The following ADGB variants were observed in gnomAD, a reference collection of about 807,000 sequenced individuals.
ADGB encodes the protein calpain-7-like protein.
In ADGB, 172 loss-of-function variants were observed where a neutral mutation model predicts 210.5. That is an observed-to-expected ratio of 0.82 (90% CI 0.72 to 0.93). The LOEUF is 0.93. Among genes scored for constraint, ADGB ranks in the 40% least tolerant of loss-of-function variants. The probability of loss-of-function intolerance (pLI) is 0.00; values close to 1 mark genes in which losing one functional copy is unlikely to be tolerated. For synonymous variants in ADGB, 658 were observed against 662.7 expected, an observed-to-expected ratio of 0.99 and a Z score of 0.11; for missense variants, 2,025 against 1,964.8, an observed-to-expected ratio of 1.03 and a Z score of -0.58.
rs532309210 is a variant in ADGB at position 146,701,925 on chromosome 6, T to C, written c.1707+855T>C. On this transcript the variant is annotated intron_variant, in intron 13 of 35. Coordinates refer to ENST00000397944, the MANE Select transcript of ADGB (RefSeq NM_024694.4). ...TCAAAGTAGTAATCAGCTTACATAT[T>C]CTTGTAAGATATTTGCAACAACTAT... Among the ~76,000 whole-genome samples, 4 of 152,092 alleles carry C rather than the reference T, an allele frequency of 2.6e-5. No homozygotes were observed. In the South Asian group the frequency reaches 6.2e-4, roughly 24 times the overall value.
rs71552951 is a variant in ADGB, at chr6:146,647,105, C to CAA, written c.330+2245_330+2246dup. Among the ~76,000 whole-genome samples the CAA allele has an allele frequency of 2.0e-4, 27 of 136,410 alleles. 1 individual carries two copies. The highest frequency in any genetic ancestry group is 3.0e-4 in the African/African-American group (11 of 36,336). The allele number at this position is 136,410 out of a possible 152,430, so 89.5% of individuals were successfully genotyped here. ...GCCTGTCTCAAAAAAAAACAAAAAA[C>CAA]AAAAAACAAAAAACAAACAAACAAA... On this transcript the variant is annotated intron_variant, in intron 3 of 35. Coordinates refer to ENST00000397944, the MANE Select transcript of ADGB (RefSeq NM_024694.4).
In ADGB at chr6:146,746,011, T is replaced by C. The variant is rs1267801376; in HGVS notation, c.3267T>C (p.Ala1089=). The change falls in exon 26 of 36, where the codon GCT becomes GCC. Residue 1089 remains alanine, a synonymous_variant. Transcript: ENST00000397944. ...AACTGCGTCTCATCGGTTCTTCTGC[T>C]CCACTGCCATGCCTCTCTCGAGACT... ...RWKLRLIGSS[A]PLPCLSRDSP... 9 of 1,551,386 alleles carry C rather than the reference T, an allele frequency of 5.8e-6. No individual in the cohort carries two copies. The highest frequency in any genetic ancestry group is 7.8e-6 in the Non-Finnish European group (9 of 1,146,796).
intron 33 of ADGB, among the ~76,000 whole-genome samples, chr6:146,792,126 G>A (rs1382981968): frequency 6.6e-6 from 1 of 151,936 alleles, no homozygotes; most frequent in Non-Finnish European, 1.5e-5. Flanking sequence ...GTTTTGATTA[G>A]TGTAGCTTTG....
chr6:146,715,548 G>A (rs1358992066), intron 14 of ADGB, 133 bp downstream of exon 14: 2 of 551,052 alleles, frequency 3.6e-6, no homozygotes, highest in Non-Finnish European at 6.3e-6. Flanking sequence ...GCTGAGTCTA[G>A]TCTGCTCTGG....
At chr6:146,605,481 C>T (rs954943682) in intron 1 of ADGB, among the ~76,000 whole-genome samples, 1 of 152,008 alleles carries the variant, frequency 6.6e-6, no homozygotes, top group Non-Finnish European at 1.5e-5. Flanking sequence ...CTGAATGCCT[C>T]GCCTTATTTA....
At chr6:146,802,460 T>C (rs1052046574) in intron 35 of ADGB, 40 of 211,490 alleles carry the variant, frequency 1.9e-4, no homozygotes, top group African/African-American at 9.1e-4. Flanking sequence ...TTTCACATAG[T>C]ATAAATTATA....
Position 146,746,091 on chromosome 6 carries a change from A to T in ADGB, c.3347A>T (p.Asp1116Val). The change falls in exon 26 of 36, where the codon GAT (aspartate) becomes GTT (valine). Residue 1116 changes from aspartate to valine, a missense_variant. Transcript: ENST00000397944. ...ATCCGAGATTACTACATACCCAATGATAAGAAAATTTTATTCAGGTACAAG... is the reference window on the plus strand; with the variant it reads ...ATCCGAGATTACTACATACCCAATGTTAAGAAAATTTTATTCAGGTACAAG... ...KEIRDYYIPN[D>V]KKILFRYSVK... 2 of 1,542,414 alleles carry T rather than the reference A, an allele frequency of 1.3e-6. No individual in the cohort carries two copies. Among genetic ancestry groups the T allele is most frequent in the Non-Finnish European group, 1.8e-6 (2 of 1,141,986 alleles).
chr6:146,600,957 CACACACACAA>C (rs1780548334), intron 1 of ADGB, among the ~76,000 whole-genome samples: 1 of 149,090 alleles, frequency 6.7e-6, no homozygotes. Context: ...CACACACACA[CACACACACAA>C]ATAACTAAGT....
chr6:146,696,030 T>C lies in ADGB; in HGVS notation c.1577+3115T>C, dbSNP rs148000267. Among the ~76,000 whole-genome samples, 62 of 152,268 alleles carry C rather than the reference T, an allele frequency of 4.1e-4. No homozygotes were observed. The East Asian group carries it at 7.3e-3, about 18-fold the overall frequency. ...ACTAAAATTTGTGTCATTGCAGTGA[T>C]TATACAAAAGCAATATTTCTTAAGT... On this transcript the variant is annotated intron_variant, in intron 12 of 35. Transcript: ENST00000397944.
intron 3 of ADGB, 37 bp downstream of exon 3, chr6:146,644,902 A>C: frequency 2.5e-6 from 3 of 1,217,314 alleles, no homozygotes; most frequent in Non-Finnish European, 2.3e-6. Flanking sequence ...AATACTTACT[A>C]TGTGGATGTA....
intron 27 of ADGB, among the ~76,000 whole-genome samples, chr6:146,758,865 T>TC (rs1209154552): frequency 1.3e-5 from 2 of 152,064 alleles, no homozygotes; most frequent in African/African-American, 4.8e-5. Flanking sequence ...CTTTTATTTT[T>TC]CACAGAAAAG....
intron 3 of ADGB, among the ~76,000 whole-genome samples, chr6:146,653,557 A>G (rs1412064137): frequency 2.0e-5 from 3 of 152,180 alleles, no homozygotes; most frequent in African/African-American, 7.2e-5. Flanking sequence ...ATCGACACAT[A>G]GAAGGGAACA....
rs151201168 is a variant in ADGB, at chr6:146,680,198, C to T, written c.1216+3757C>T. ...CTAGCCCACAGGATGTGAAGCAAAG[C>T]GATACATACCAGCTGTAGACTGACC... On this transcript the variant is annotated intron_variant, in intron 9 of 35. Coordinates refer to ENST00000397944, the MANE Select transcript of ADGB (RefSeq NM_024694.4). Among the ~76,000 whole-genome samples, 778 of 152,176 alleles carry T rather than the reference C, an allele frequency of 5.1e-3. 4 individuals are homozygous for T. The highest frequency in any genetic ancestry group is 8.1e-3 in the South Asian group (39 of 4,824).
intron 12 of ADGB, among the ~76,000 whole-genome samples, chr6:146,699,128 A>G (rs545670625): frequency 6.6e-6 from 1 of 152,262 alleles, no homozygotes; most frequent in African/African-American, 2.4e-5. Flanking sequence ...AGACATCGAC[A>G]TAGATATAGA....
chr6:146,752,391 A>C, intron 26 of ADGB, 139 bp from the exon 27 acceptor site: 1 of 704,208 alleles, frequency 1.4e-6, no homozygotes. Flanking sequence ...ATTACCTCTC[A>C]CCAGGCCCCA....
At chr6:146,748,434 C>T (rs1015429372) in intron 26 of ADGB, among the ~76,000 whole-genome samples, 7 of 152,246 alleles carry the variant, frequency 4.6e-5, no homozygotes, top group African/African-American at 1.7e-4. Context: ...GGGTTGGTTC[C>T]AACTGAGGCT....
At chr6:146,645,993 T>C (rs1775604060) in intron 3 of ADGB, among the ~76,000 whole-genome samples, 2 of 152,138 alleles carry the variant, frequency 1.3e-5, no homozygotes, top group African/African-American at 4.8e-5. Context: ...TTAATATTAA[T>C]GTGTTACTAA....
At chr6:146,801,411 C>T in intron 34 of ADGB, 132 bp downstream of exon 34, 1 of 469,636 alleles carries the variant, frequency 2.1e-6, no homozygotes, top group South Asian at 6.5e-5. Flanking sequence ...CAAAAAATTT[C>T]TATCACACCT....
intron 12 of ADGB, among the ~76,000 whole-genome samples, chr6:146,693,582 G>A (rs1776361860): frequency 6.6e-6 from 1 of 152,144 alleles, no homozygotes; most frequent in Admixed American, 6.6e-5. Context: ...AGAGAAGTAG[G>A]GTGCAGCTGT....
Sources: gnomAD v4.1 joint callset for allele counts (sites outside exome capture counted in the v4.1 genomes callset) on GRCh38, gnomAD v4.1.1 for gene constraint, MANE v1.5 for transcripts, NCBI Gene and HGNC (gene_info 2026-07-23, HGNC 2026-07-21) for gene names.